Variants in MALRD1 observed in about 807,000 individuals in gnomAD.
MALRD1 encodes the protein MAM and LDL receptor class A domain containing 1.
MALRD1 carries 247 observed loss-of-function variants against 242.1 expected under a neutral mutation model. That is an observed-to-expected ratio of 1.02 (90% CI 0.92 to 1.13). The LOEUF (loss-of-function observed/expected upper bound fraction) is 1.13. Among genes scored for constraint, MALRD1 ranks in the 50% most tolerant of loss-of-function variants. The probability of loss-of-function intolerance (pLI) is 0.00; values close to 1 mark genes in which losing one functional copy is unlikely to be tolerated. For synonymous variants in MALRD1, 995 were observed against 866.6 expected, an observed-to-expected ratio of 1.15 and a Z score of -2.60; for missense variants, 2,989 against 2,533.1, an observed-to-expected ratio of 1.18 and a Z score of -3.86.
At chr10:19,732,387 T>G (rs1002954352) in intron 39 of MALRD1, among the ~76,000 whole-genome samples, 1 of 152,090 alleles carries the variant, frequency 6.6e-6, no homozygotes, top group African/African-American at 2.4e-5. Flanking sequence ...CTCAGCCTCC[T>G]GAGTAGCTGG....
chr10:19,531,113 T>C, intron 31 of MALRD1, 81 bp from the exon 32 acceptor site: 2 of 1,164,650 alleles, frequency 1.7e-6, no homozygotes, highest in Non-Finnish European at 2.4e-6. Flanking sequence ...GATAAAAAGA[T>C]ATCTGTTAAT....
chr10:19,232,013 A>G (rs1390053066), intron 18 of MALRD1, among the ~76,000 whole-genome samples: 1 of 152,136 alleles, frequency 6.6e-6, no homozygotes, highest in Non-Finnish European at 1.5e-5. Flanking sequence ...CTGCTCTTTT[A>G]TAGAGAAAAT....
intron 34 of MALRD1, among the ~76,000 whole-genome samples, chr10:19,606,451 A>G (rs1390692870): frequency 6.6e-6 from 1 of 152,172 alleles, no homozygotes; most frequent in African/African-American, 2.4e-5. Context: ...AGTTCTGACT[A>G]TCTACTGCTG....
intron 14 of MALRD1, among the ~76,000 whole-genome samples, chr10:19,175,768 A>C (rs1050508272): frequency 1.3e-5 from 2 of 152,098 alleles, no homozygotes; most frequent in African/African-American, 4.8e-5. Flanking sequence ...ATGTAAGGCC[A>C]ACCAAAATTT....
intron 33 of MALRD1, among the ~76,000 whole-genome samples, chr10:19,575,494 C>T (rs1836768730): frequency 1.3e-5 from 2 of 151,832 alleles, no homozygotes; most frequent in South Asian, 2.1e-4. Context: ...CACACACACA[C>T]ACACACACAC....
chr10:19,728,262 T>A (rs1007564077), intron 38 of MALRD1: 1 of 152,240 alleles, frequency 6.6e-6, no homozygotes, highest in Non-Finnish European at 1.5e-5. Flanking sequence ...TCTTCCTTCT[T>A]TGTAGTTACC....
intron 14 of MALRD1, among the ~76,000 whole-genome samples, chr10:19,196,567 C>G (rs983879198): frequency 6.8e-6 from 1 of 147,560 alleles, no homozygotes; most frequent in Non-Finnish European, 1.5e-5. Context: ...TATTTTTATG[C>G]CTTCTTTTTG....
At position 19,094,516 on chromosome 10, in the gene MALRD1, G is replaced by A. The variant is rs562469450; in HGVS notation, c.597+6331G>A. Reference sequence around the variant, plus strand: ...TGGCACTCCCTAGTGAGATGAACCCGGTACCTCAGATGGAAATGCAGAAAT... The same window carrying A: ...TGGCACTCCCTAGTGAGATGAACCCAGTACCTCAGATGGAAATGCAGAAAT... On this transcript the variant is annotated intron_variant, in intron 4 of 39. Coordinates refer to ENST00000454679, the MANE Select transcript of MALRD1 (RefSeq NM_001142308.3). 1.5e-3 allele frequency among the ~76,000 whole-genome samples: 228 copies of A among 150,498 alleles called. 1 individual carries two copies. Among genetic ancestry groups the A allele is most frequent in the African/African-American group, 4.4e-3 (181 of 40,796 alleles).
At chr10:19,662,450 CA>C (rs1841483585) in intron 36 of MALRD1, among the ~76,000 whole-genome samples, 1 of 152,120 alleles carries the variant, frequency 6.6e-6, no homozygotes, top group South Asian at 2.1e-4. Context: ...TGTTATTTAA[CA>C]AAATTAAATA....
intron 17 of MALRD1, among the ~76,000 whole-genome samples, chr10:19,205,910 A>ATT (rs200271233): frequency 0.025 from 3,696 of 145,746 alleles, 136 homozygotes; most frequent in African/African-American, 0.083. Flanking sequence ...AGTTAATAGG[A>ATT]TTTTTTTTTT....
intron 32 of MALRD1, among the ~76,000 whole-genome samples, chr10:19,560,761 A>G (rs1330136951): frequency 2.6e-5 from 4 of 152,090 alleles, no homozygotes; most frequent in Non-Finnish European, 1.5e-5. Flanking sequence ...GAGTTGAACA[A>G]TGAGAACATA....
chr10:19,702,287 A>T (rs1405499515), intron 38 of MALRD1, among the ~76,000 whole-genome samples: 1 of 152,078 alleles, frequency 6.6e-6, no homozygotes, highest in Non-Finnish European at 1.5e-5. Context: ...ATTCTTCCAC[A>T]CCCTACTCTT....
At chr10:19,445,997 G>T (rs578167149) in intron 28 of MALRD1, among the ~76,000 whole-genome samples, 4 of 152,192 alleles carry the variant, frequency 2.6e-5, no homozygotes, top group Admixed American at 1.3e-4. Flanking sequence ...CTCAGCGGTG[G>T]TGGATGCCCC....
intron 2 of MALRD1, among the ~76,000 whole-genome samples, chr10:19,067,113 C>A (rs1370389261): frequency 1.3e-5 from 2 of 152,086 alleles, no homozygotes; most frequent in Non-Finnish European, 2.9e-5. Context: ...TCCTTGGATT[C>A]CAATAGGTCT....
At chr10:19,319,744 C>T (rs1054633791) in intron 21 of MALRD1, among the ~76,000 whole-genome samples, 2 of 151,872 alleles carry the variant, frequency 1.3e-5, no homozygotes, top group African/African-American at 2.4e-5. Flanking sequence ...TTTGTAAGAG[C>T]ACTAATCTCA....
chr10:19,442,858 CT>C (rs1834746457), intron 28 of MALRD1, among the ~76,000 whole-genome samples: 1 of 152,160 alleles, frequency 6.6e-6, no homozygotes, highest in Non-Finnish European at 1.5e-5. Flanking sequence ...AGGATTCCCT[CT>C]TTCTCTCTTG....
chr10:19,355,647 C>T (rs937684125), intron 26 of MALRD1, among the ~76,000 whole-genome samples: 2 of 150,730 alleles, frequency 1.3e-5, no homozygotes, highest in Non-Finnish European at 3.0e-5. Flanking sequence ...ATGTGGAGTT[C>T]ACTTTCCTAT....
intron 28 of MALRD1, among the ~76,000 whole-genome samples, chr10:19,448,822 A>G (rs1216810489): frequency 2.0e-5 from 3 of 151,900 alleles, no homozygotes. Flanking sequence ...GAAAATCAAA[A>G]TAATATGATT....
intron 26 of MALRD1, among the ~76,000 whole-genome samples, chr10:19,385,018 G>T (rs1336462307): frequency 2.0e-5 from 3 of 151,824 alleles, no homozygotes; most frequent in Admixed American, 6.6e-5. Flanking sequence ...CTATTGAAAT[G>T]ATCATAAGAT....
Sources: gnomAD v4.1 joint callset for allele counts (sites outside exome capture counted in the v4.1 genomes callset) on GRCh38, gnomAD v4.1.1 for gene constraint, MANE v1.5 for transcripts, NCBI Gene and HGNC (gene_info 2026-07-23, HGNC 2026-07-21) for gene names.